NRG3: variants seen among roughly 807,000 people sequenced by gnomAD.
NRG3 encodes pro-neuregulin-3, membrane-bound isoform.
A neutral mutation model predicts 66.9 loss-of-function variants in NRG3; 31 were observed. The observed-to-expected ratio is 0.46, with a 90% CI of 0.35 to 0.63. The LOEUF (loss-of-function observed/expected upper bound fraction) is 0.63. Ranked by LOEUF, NRG3 falls within the 20% of genes least tolerant of loss-of-function variation. The pLI is 0.00. For missense variants in NRG3, 910 were observed against 878.9 expected, an observed-to-expected ratio of 1.04 and a Z score of -0.45; for synonymous variants, 393 against 359.4, an observed-to-expected ratio of 1.09 and a Z score of -1.06.
Position 81,876,014 on chromosome 10 carries a change from C to G in NRG3, c.674C>G (p.Pro225Arg), listed in dbSNP as rs1256779971. The change falls in exon 1 of 9, where the codon CCT becomes CGT. Residue 225 changes from proline (P) to arginine (R), a missense_variant. Coordinates refer to ENST00000372141, the MANE Select transcript of NRG3 (RefSeq NM_001010848.4). ...TPSTQAMPSW[P>R]TAAYATSSYL... ...AGTACCCAGGCAATGCCCTCCTGGC[C>G]TACTGCGGCATACGCTACCTCCTCC... 1 of 1,614,034 alleles carries G rather than the reference C, an allele frequency of 6.2e-7. No individual in the cohort carries two copies. The highest frequency in any genetic ancestry group is 8.5e-7 in the Non-Finnish European group (1 of 1,180,030).
intron 2 of NRG3, among the ~76,000 whole-genome samples, chr10:82,365,269 G>C (rs145610774): frequency 6.6e-6 from 1 of 152,136 alleles, no homozygotes; most frequent in Non-Finnish European, 1.5e-5. Context: ...TCGACAGGAG[G>C]GAATGAAGGC....
chr10:82,847,315 A>T (rs911135818), intron 3 of NRG3, among the ~76,000 whole-genome samples: 1 of 152,242 alleles, frequency 6.6e-6, no homozygotes, highest in Admixed American at 6.5e-5. Flanking sequence ...TCAGGATTTT[A>T]GTTGGCTACG....
At chr10:82,160,492 TC>T (rs2071503665) in intron 1 of NRG3, among the ~76,000 whole-genome samples, 1 of 151,720 alleles carries the variant, frequency 6.6e-6, no homozygotes, top group Non-Finnish European at 1.5e-5. Flanking sequence ...GTAAGGAATT[TC>T]TTTTTTTTTG....
chr10:82,423,005 G>A (rs1426199873), intron 2 of NRG3, among the ~76,000 whole-genome samples: 1 of 151,898 alleles, frequency 6.6e-6, no homozygotes, highest in East Asian at 1.9e-4. Flanking sequence ...GCAACATTTA[G>A]TGCCAAGCTA....
At chr10:82,479,720 C>A (rs930957789) in intron 2 of NRG3, among the ~76,000 whole-genome samples, 1 of 149,124 alleles carries the variant, frequency 6.7e-6, no homozygotes, top group Non-Finnish European at 1.5e-5. Context: ...GTAATCCCAG[C>A]ACGTTGGGAG....
At chr10:81,984,285 TA>T (rs2060441248) in intron 1 of NRG3, among the ~76,000 whole-genome samples, 1 of 152,190 alleles carries the variant, frequency 6.6e-6, no homozygotes, top group African/African-American at 2.4e-5. Context: ...AGAATCACAT[TA>T]ATAATCACCA....
intron 1 of NRG3, among the ~76,000 whole-genome samples, chr10:82,158,972 GA>G (rs1564619319): frequency 6.6e-6 from 1 of 151,862 alleles, no homozygotes; most frequent in Non-Finnish European, 1.5e-5. Context: ...ACTTCTGCAT[GA>G]AGAGCATGAA....
chr10:82,377,972 C>T (rs2085361022), intron 2 of NRG3, among the ~76,000 whole-genome samples: 1 of 152,136 alleles, frequency 6.6e-6, no homozygotes, highest in Non-Finnish European at 1.5e-5. Flanking sequence ...TTTTACTAGG[C>T]GTTTGGGCTA....
At chr10:82,492,370 G>A (rs1295326375) in intron 2 of NRG3, among the ~76,000 whole-genome samples, 1 of 152,140 alleles carries the variant, frequency 6.6e-6, no homozygotes, top group Non-Finnish European at 1.5e-5. Flanking sequence ...AATATCCCCT[G>A]TCTTGTCAGG....
intron 2 of NRG3, among the ~76,000 whole-genome samples, chr10:82,376,164 G>A (rs973171568): frequency 2.6e-5 from 4 of 152,130 alleles, no homozygotes; most frequent in African/African-American, 9.7e-5. Flanking sequence ...GTCGCTGAAC[G>A]TGCGTCTGGC....
intron 1 of NRG3, among the ~76,000 whole-genome samples, chr10:82,297,976 T>C (rs2080170507): frequency 6.6e-6 from 1 of 152,052 alleles, no homozygotes; most frequent in South Asian, 2.1e-4. Flanking sequence ...ACCTTGTCTC[T>C]ACAAAAACTG....
At chr10:82,344,742 T>C (rs1016878577) in intron 1 of NRG3, among the ~76,000 whole-genome samples, 2 of 123,524 alleles carry the variant, frequency 1.6e-5, no homozygotes, top group African/African-American at 4.4e-5. Flanking sequence ...CCTGACTTTT[T>C]AATGATTGCC....
chr10:82,298,239 A>G (rs543717102), intron 1 of NRG3, among the ~76,000 whole-genome samples: 13 of 148,106 alleles, frequency 8.8e-5, no homozygotes, highest in African/African-American at 2.8e-4. Context: ...GGGAGGGAGG[A>G]AGGAAGAGAT....
Position 82,311,384 on chromosome 10 carries a change from T to C in NRG3, c.824-47355T>C, listed in dbSNP as rs543049032. ...CTGTGTAGCACAATGTTATGACCTC[T>C]TCTCTTGTCTTCTTCTCTTCTCCAC... On this transcript the variant is annotated intron_variant, in intron 1 of 8. Coordinates refer to ENST00000372141, the MANE Select transcript of NRG3 (RefSeq NM_001010848.4). Among the ~76,000 whole-genome samples, 9 of 152,326 alleles carry C rather than the reference T, an allele frequency of 5.9e-5. No individual in the cohort carries two copies. The East Asian group carries it at 1.7e-3, about 29-fold the overall frequency.
intron 2 of NRG3, among the ~76,000 whole-genome samples, chr10:82,636,005 G>A (rs2050171706): frequency 6.6e-6 from 1 of 152,112 alleles, no homozygotes; most frequent in Non-Finnish European, 1.5e-5. Context: ...GAATCTTCAT[G>A]GGGAAAGGAG....
At chr10:82,093,840 C>A (rs2066175072) in intron 1 of NRG3, among the ~76,000 whole-genome samples, 1 of 152,030 alleles carries the variant, frequency 6.6e-6, no homozygotes, top group South Asian at 2.1e-4. Context: ...AGTGGAGAAC[C>A]AATATTTTTG....
chr10:81,951,504 A>G (rs1402427266), intron 1 of NRG3, among the ~76,000 whole-genome samples: 2 of 152,094 alleles, frequency 1.3e-5, no homozygotes, highest in Non-Finnish European at 2.9e-5. Flanking sequence ...TTCAAACCCA[A>G]TGTGGCCAAC....
intron 1 of NRG3, among the ~76,000 whole-genome samples, chr10:82,143,756 G>T (rs917731923): frequency 6.6e-6 from 1 of 152,024 alleles, no homozygotes; most frequent in Non-Finnish European, 1.5e-5. Context: ...GTGGCTGGGC[G>T]CAGTGGCTTA....
chr10:82,217,529 T>G (rs994925474), intron 1 of NRG3, among the ~76,000 whole-genome samples: 1 of 152,204 alleles, frequency 6.6e-6, no homozygotes, highest in African/African-American at 2.4e-5. Flanking sequence ...GCTTCTGTCT[T>G]GGGCAACACT....
Sources: allele counts gnomAD v4.1 joint callset (sites outside exome capture counted in the v4.1 genomes callset), GRCh38; gene constraint gnomAD v4.1.1; transcripts MANE v1.5; gene names NCBI Gene and HGNC (gene_info 2026-07-23, HGNC 2026-07-21).